The following TAS1R3 variants were observed in gnomAD, a reference collection of about 807,000 sequenced individuals.
The protein encoded by TAS1R3 is taste 1 receptor member 3, also known as taste receptor type 1 member 3.
In TAS1R3, 58 loss-of-function variants were observed where a neutral mutation model predicts 46.1. That is an observed-to-expected ratio of 1.26 (90% CI 1.02 to 1.57). TAS1R3 has a LOEUF of 1.57. TAS1R3 is among the 40% of genes most tolerant of loss of function. TAS1R3 has a pLI of 0.00. For synonymous variants in TAS1R3, 724 were observed against 544.7 expected (o/e 1.33, Z -4.58); for missense variants, 1,422 against 1,185.8 (o/e 1.20, Z -2.93).
In TAS1R3 at chr1:1,332,088, C is replaced by T; in HGVS notation, c.557C>T (p.Thr186Ile). 2 of 1,601,610 alleles carry T rather than the reference C, an allele frequency of 1.2e-6. No individual in the cohort carries two copies. The highest frequency in any genetic ancestry group is 1.7e-6 in the Non-Finnish European group (2 of 1,179,872). ...ARETFPSFFR[T>I]VPSDRVQLTA... ...GAGACCTTCCCCTCCTTCTTCCGCA[C>T]CGTGCCCAGCGACCGTGTGCAGCTG... The change falls in exon 3 of 6, where the codon ACC (threonine) becomes ATC (isoleucine). Residue 186 changes from threonine to isoleucine, a missense_variant. Transcript: ENST00000339381.
rs924587118 is a variant in TAS1R3 at position 1,332,104 on chromosome 1, T to C, written c.573T>C (p.Arg191=). 2 of 1,600,662 alleles carry C rather than the reference T, an allele frequency of 1.2e-6. No individual in the cohort carries two copies. The highest frequency in any genetic ancestry group is 1.7e-6 in the Non-Finnish European group (2 of 1,179,834). The change falls in exon 3 of 6, where the codon CGT becomes CGC. Residue 191 remains arginine, a synonymous_variant. Transcript: ENST00000339381. ...TCTTCCGCACCGTGCCCAGCGACCG[T>C]GTGCAGCTGACGGCCGCCGCGGAGC... ...PSFFRTVPSD[R]VQLTAAAELL...
chr1:1,333,024 T>C lies in TAS1R3; in HGVS notation c.1379T>C (p.Val460Ala). 2 of 1,612,670 alleles carry C rather than the reference T, an allele frequency of 1.2e-6. No homozygotes were observed. The highest frequency in any genetic ancestry group is 1.7e-6 in the Non-Finnish European group (2 of 1,179,906). Residue 460 changes from valine (V) to alanine (A), a missense_variant, in exon 4 of 6, where the codon GTG becomes GCG. Transcript: ENST00000339381. ...ATGGAGTACGACCTGAAGCTGTGGG[T>C]GTGGCAGGGCTCAGTGCCCAGGCTC... ...VDMEYDLKLWVWQGSVPRLHD... is the reference protein window; with the variant it reads ...VDMEYDLKLWAWQGSVPRLHD...
In TAS1R3 at chr1:1,331,993, T is replaced by C. The variant is rs372835483; in HGVS notation, c.493-31T>C. On this transcript the variant is annotated intron_variant, in intron 2 of 5. Coordinates refer to ENST00000339381, the MANE Select transcript of TAS1R3 (RefSeq NM_152228.3). ...ACCCAGCCCTGCCCGTGGGAGCCCC[T>C]GTGTCAGGAGATGCCTCTTGGCCCT... is the stretch of plus-strand genomic sequence containing the variant. The C allele has an allele frequency of 3.2e-4, 347 of 1,093,730 alleles. 1 individual carries two copies. The highest frequency in any genetic ancestry group is 4.1e-4 in the Non-Finnish European group (333 of 806,594). 67.8% of individuals were successfully genotyped at this position (1,093,730 alleles called of 1,614,324 possible). A position where few individuals can be genotyped will look rare whatever the true frequency, so the allele number is the denominator to read the frequency against.
Position 1,334,458 on chromosome 1 carries a change from T to A in TAS1R3, c.2553T>A (p.His851Gln), listed in dbSNP as rs769442638. ...NDGNTGNQGK[H>Q]E ...GGAACACAGGAAATCAGGGGAAACATGAGTGACCCAACCCTGTGATCTCAG... is the reference window on the plus strand; with the variant it reads ...GGAACACAGGAAATCAGGGGAAACAAGAGTGACCCAACCCTGTGATCTCAG... Residue 851 changes from histidine to glutamine, a missense_variant, in exon 6 of 6, where the codon CAT (histidine) becomes CAA (glutamine). Physicochemically the swap from His to Gln is conservative, Grantham distance 24. Coordinates refer to ENST00000339381, the MANE Select transcript of TAS1R3 (RefSeq NM_152228.3). 97 of 1,561,044 alleles carry A rather than the reference T, an allele frequency of 6.2e-5. No homozygotes were observed. The highest frequency in any genetic ancestry group is 6.9e-5 in the Non-Finnish European group (80 of 1,151,202).
At position 1,332,476 on chromosome 1, in the gene TAS1R3, G is replaced by A; in HGVS notation, c.945G>A (p.Met315Ile). Reference protein sequence around the residue: ...TSDLVMGLPGMAQMGTVLGFL... With the variant: ...TSDLVMGLPGIAQMGTVLGFL... ...ACCTGGTCATGGGGCTGCCCGGCATGGCCCAGATGGGCACGGTGCTTGGCT... is the reference window on the plus strand; with the variant it reads ...ACCTGGTCATGGGGCTGCCCGGCATAGCCCAGATGGGCACGGTGCTTGGCT... Residue 315 changes from methionine to isoleucine, a missense_variant, in exon 3 of 6, where the codon ATG becomes ATA. Physicochemically the swap from Met to Ile is conservative, Grantham distance 10 (BLOSUM62 1). Coordinates refer to ENST00000339381, the MANE Select transcript of TAS1R3 (RefSeq NM_152228.3). The A allele has an allele frequency of 6.2e-7, 1 of 1,610,192 alleles. No individual in the cohort carries two copies.
rs1189674455 is a variant in TAS1R3, at chr1:1,333,339, C to T, written c.1560C>T (p.Asp520=). The T allele has an allele frequency of 2.0e-5, 32 of 1,609,170 alleles. No homozygotes were observed. The highest frequency in any genetic ancestry group is 2.7e-5 in the Non-Finnish European group (32 of 1,178,524). ...RVKGFHSCCY[D]CVDCEAGSYR... is the part of the protein sequence containing the mutation. ...AGGGGTTCCACTCCTGCTGCTACGACTGTGTGGACTGCGAGGCGGGCAGCT... is the reference window on the plus strand; with the variant it reads ...AGGGGTTCCACTCCTGCTGCTACGATTGTGTGGACTGCGAGGCGGGCAGCT... Residue 520 remains aspartate, a synonymous_variant, in exon 5 of 6, where the codon GAC becomes GAT. Coordinates refer to ENST00000339381, the MANE Select transcript of TAS1R3 (RefSeq NM_152228.3).
chr1:1,332,275 C>G lies in TAS1R3; in HGVS notation c.744C>G (p.Ala248=), dbSNP rs147739774. The change falls in exon 3 of 6, where the codon GCC becomes GCG. Residue 248 remains alanine, a synonymous_variant. Coordinates refer to ENST00000339381, the MANE Select transcript of TAS1R3 (RefSeq NM_152228.3). ...AGGGCCTGGTGCCGCTGCCCCGTGC[C>G]GATGACTCGCGGCTGGGGAAGGTGC... ...AHEGLVPLPR[A]DDSRLGKVQD... is the part of the protein sequence containing the mutation. The G allele has an allele frequency of 4.4e-6, 7 of 1,602,518 alleles. No individual in the cohort carries two copies. The highest frequency in any genetic ancestry group is 1.7e-5 in the Admixed American group (1 of 59,602).
rs905374913 is a variant in TAS1R3, at chr1:1,333,382, G to T, written c.1600+3G>T. ...GGGCAGCTACCGGCAAAACCCAGGT[G>T]AGCCGCCTTCCCGGCAGGCGGGGGT... On this transcript the variant is annotated splice_donor_region_variant and intron_variant, in intron 5 of 5. Transcript: ENST00000339381. 6.2e-7 allele frequency: 1 copy of T among 1,611,680 alleles called. No homozygotes were observed. The highest frequency in any genetic ancestry group is 8.5e-7 in the Non-Finnish European group (1 of 1,179,662).
At position 1,331,946 on chromosome 1, in the gene TAS1R3, C is replaced by T. The variant is rs779194808; in HGVS notation, c.492+8C>T. 1 of 1,567,848 alleles carries T rather than the reference C, an allele frequency of 6.4e-7. No individual in the cohort carries two copies. The highest frequency in any genetic ancestry group is 1.1e-5 in the South Asian group (1 of 90,260). ...TTCTTCCTCATGCCCCAGGTGGGCG[C>T]CCCCCACCATCACCCACCCCCACCC... On this transcript the variant is annotated splice_region_variant and intron_variant, in intron 2 of 5. Coordinates refer to ENST00000339381, the MANE Select transcript of TAS1R3 (RefSeq NM_152228.3).
In TAS1R3 at chr1:1,334,059, G is replaced by A. The variant is rs370778300; in HGVS notation, c.2154G>A (p.Ala718=). Residue 718 remains alanine (A), a synonymous_variant, in exon 6 of 6, where the codon GCG becomes GCA. Coordinates refer to ENST00000339381, the MANE Select transcript of TAS1R3 (RefSeq NM_152228.3). ...VTDWHMLPTE[A]LVHCRTRSWV... ...ACTGGCACATGCTGCCCACGGAGGC[G>A]CTGGTGCACTGCCGCACACGCTCCT... The A allele has an allele frequency of 6.1e-5, 98 of 1,600,306 alleles. No individual in the cohort carries two copies. Among genetic ancestry groups the A allele is most frequent in the South Asian group, 5.2e-4 (47 of 90,324 alleles).
Position 1,333,792 on chromosome 1 carries a change from C to G in TAS1R3, c.1887C>G (p.Ser629Arg). 1.3e-6 allele frequency: 2 copies of G among 1,594,440 alleles called. No individual in the cohort carries two copies. Among genetic ancestry groups the G allele is most frequent in the Admixed American group, 1.7e-5 (1 of 58,724 alleles). Reference protein sequence around the residue: ...LSVLLFPGQPSPARCLAQQPL... With the variant: ...LSVLLFPGQPRPARCLAQQPL... ...TCCTCCTGTTCCCTGGCCAGCCCAG[C>G]CCTGCCCGATGCCTGGCCCAGCAGC... The change falls in exon 6 of 6, where the codon AGC becomes AGG. Residue 629 changes from serine to arginine, a missense_variant. By Grantham distance (110) the Ser-to-Arg change is moderately radical (BLOSUM62 -1). Transcript: ENST00000339381.
intron 4 of TAS1R3, 22 bp downstream of exon 4, chr1:1,333,146 C>CA: frequency 6.2e-7 from 1 of 1,605,100 alleles, no homozygotes; most frequent in Admixed American, 1.7e-5. Context: ...GTGGGTGTGC[C>CA]AGGCGTGCCC....
rs1233737619 is a variant in TAS1R3, at chr1:1,334,656, G to A, written c.*192G>A. The A allele has an allele frequency of 1.6e-6, 1 of 634,424 alleles. No homozygotes were observed. The highest frequency in any genetic ancestry group is 2.8e-5 in the East Asian group (1 of 35,178). 39.3% of individuals were successfully genotyped at this position (634,424 alleles called of 1,614,324 possible). On this transcript the variant is annotated 3_prime_UTR_variant, in exon 6 of 6. Coordinates refer to ENST00000339381, the MANE Select transcript of TAS1R3 (RefSeq NM_152228.3). ...CACCCCTGTGACCATCTGGGCCCCA[G>A]AGCCAAGCTGTGTCCCTGTCCCTCT...
At position 1,334,011 on chromosome 1, in the gene TAS1R3, C is replaced by G. The variant is rs1297969731; in HGVS notation, c.2106C>G (p.Ala702=). 3.1e-6 allele frequency: 5 copies of G among 1,600,882 alleles called. No individual in the cohort carries two copies. Among genetic ancestry groups the G allele is most frequent in the Non-Finnish European group, 4.2e-6 (5 of 1,179,758 alleles). The change falls in exon 6 of 6, where the codon GCC becomes GCG. Residue 702 remains alanine, a synonymous_variant. Transcript: ENST00000339381. ...EVALCTWYLV[A]FPPEVVTDWH... ...CACTGTGCACCTGGTACCTGGTGGC[C>G]TTCCCGCCGGAGGTGGTGACGGACT...
chr1:1,331,499 C>T lies in TAS1R3; in HGVS notation c.154C>T (p.Arg52Cys), dbSNP rs751920355. 1.9e-5 allele frequency: 31 copies of T among 1,604,150 alleles called. No individual in the cohort carries two copies. The highest frequency in any genetic ancestry group is 1.6e-4 in the South Asian group (14 of 90,174). ...PLGEAEEAGL[R>C]SRTRPSSPVC... ...GGGCGAGGCCGAGGAGGCTGGCCTC[C>T]GCAGCCGGACACGGCCCAGCAGCCC... Residue 52 changes from arginine (R) to cysteine (C), a missense_variant, in exon 1 of 6, where the codon CGC becomes TGC. Transcript: ENST00000339381.
At chr1:1,331,987 A>T in intron 2 of TAS1R3, 37 bp from the exon 3 acceptor site, 1 of 775,600 alleles carries the variant, frequency 1.3e-6, no homozygotes, top group Non-Finnish European at 2.0e-6. Context: ...TGCCCGTGGG[A>T]GCCCCTGTGT....
In TAS1R3 at chr1:1,334,728, A is replaced by G. The variant is rs1200446023; in HGVS notation, c.*264A>G. 1.4e-5 allele frequency: 6 copies of G among 441,370 alleles called. No homozygotes were observed. Among genetic ancestry groups the G allele is most frequent in the South Asian group, 1.3e-4 (3 of 23,574 alleles). 27.3% of individuals were successfully genotyped at this position (441,370 alleles called of 1,614,324 possible). On this transcript the variant is annotated 3_prime_UTR_variant, in exon 6 of 6. Coordinates refer to ENST00000339381, the MANE Select transcript of TAS1R3 (RefSeq NM_152228.3). ...AGGTAACCCAGACCCACTGTTCTGGAAAGAGGCCCGGAGGGCTCCCAGGGT... is the reference window on the plus strand; with the variant it reads ...AGGTAACCCAGACCCACTGTTCTGGGAAGAGGCCCGGAGGGCTCCCAGGGT...
In TAS1R3 at chr1:1,332,352, TCGCCTCCGTGCACGCCGCCCA is replaced by T. The variant is rs1427401991; in HGVS notation, c.826_846del (p.Ser276_Ala282del). ...AGCAGCGTGCAGGTGGTGCTGCTGTTCGCCTCCGTGCACGCCGCCCACGCCCTCTTCAACTACAGCATCAGC... is the reference window on the plus strand; with the variant it reads ...AGCAGCGTGCAGGTGGTGCTGCTGTTCGCCCTCTTCAACTACAGCATCAGC... On this transcript the variant is annotated inframe_deletion, in exon 3 of 6. Coordinates refer to ENST00000339381, the MANE Select transcript of TAS1R3 (RefSeq NM_152228.3). 1.2e-6 allele frequency: 2 copies of T among 1,603,800 alleles called. No homozygotes were observed. Among genetic ancestry groups the T allele is most frequent in the Admixed American group, 3.4e-5 (2 of 58,706 alleles).
In TAS1R3 at chr1:1,332,418, T is replaced by A. The variant is rs1643450275; in HGVS notation, c.887T>A (p.Val296Glu). ...YSISSRLSPK[V>E]WVASEAWLTS... ...ATCAGCAGCAGGCTCTCGCCCAAGG[T>A]GTGGGTGGCCAGCGAGGCCTGGCTG... Residue 296 changes from valine (V) to glutamate (E), a missense_variant, in exon 3 of 6, where the codon GTG becomes GAG. Coordinates refer to ENST00000339381, the MANE Select transcript of TAS1R3 (RefSeq NM_152228.3). 6.2e-7 allele frequency: 1 copy of A among 1,606,450 alleles called. No individual in the cohort carries two copies.
Sources: gnomAD v4.1 joint callset for allele counts on GRCh38, gnomAD v4.1.1 for gene constraint, MANE v1.5 for transcripts, NCBI Gene and HGNC (gene_info 2026-07-23, HGNC 2026-07-21) for gene names.